The following KAT2B variants were observed in gnomAD, a reference collection of about 807,000 sequenced individuals.
The protein encoded by KAT2B is lysine acetyltransferase 2B, also known as histone acetyltransferase KAT2B.
Under a neutral mutation model 105.9 loss-of-function variants are expected in KAT2B, and 36 were observed. The observed-to-expected ratio is 0.34, with a 90% confidence interval of 0.26 to 0.45. KAT2B has a LOEUF of 0.45. Among genes scored for constraint, KAT2B ranks in the 20% least tolerant of loss-of-function variants. The pLI is 1.00. For synonymous variants in KAT2B, 397 were observed against 377.9 expected, an observed-to-expected ratio of 1.05 and a Z score of -0.59; for missense variants, 820 against 1,021.6, an observed-to-expected ratio of 0.80 and a Z score of 2.69.
At chr3:20,096,782 ATTTGAT>A (rs914900242) in intron 3 of KAT2B, among the ~76,000 whole-genome samples, 7 of 151,982 alleles carry the variant, frequency 4.6e-5, no homozygotes, top group Admixed American at 3.9e-4. Context: ...GTCTGAACTT[ATTTGAT>A]TCATAATTTT....
At chr3:20,114,258 G>A (rs186286826) in intron 6 of KAT2B, among the ~76,000 whole-genome samples, 31 of 152,248 alleles carry the variant, frequency 2.0e-4, no homozygotes, top group African/African-American at 7.5e-4. Flanking sequence ...CCATTTACTA[G>A]TTGTGGGAAT....
chr3:20,120,864 A>G (rs7652263), intron 8 of KAT2B, among the ~76,000 whole-genome samples: 1,977 of 152,182 alleles, frequency 0.013, 41 homozygotes, highest in African/African-American at 0.046. Context: ...GGACCTTATA[A>G]TATAAGAAGT....
chr3:20,077,760 CAAT>C (rs1376737204), intron 2 of KAT2B, among the ~76,000 whole-genome samples: 4 of 152,144 alleles, frequency 2.6e-5, no homozygotes, highest in Non-Finnish European at 5.9e-5. Context: ...GGGATTGGCA[CAAT>C]AATATTCAGT....
intron 1 of KAT2B, among the ~76,000 whole-genome samples, chr3:20,070,801 G>A (rs1013426493): frequency 9.3e-5 from 14 of 151,340 alleles, no homozygotes; most frequent in Admixed American, 8.6e-4. Flanking sequence ...CTGAGGTCAG[G>A]AGGTCGAGAC....
In KAT2B at chr3:20,082,292, C is replaced by T. The variant is rs146918118; in HGVS notation, c.430+9833C>T. 2.7e-3 allele frequency among the ~76,000 whole-genome samples: 406 copies of T among 152,222 alleles called. 2 individuals are homozygous for T. Among genetic ancestry groups the T allele is most frequent in the Admixed American group, 3.9e-3 (59 of 15,290 alleles). ...TCAAATGATCCGCCCTCCTCAGCCT[C>T]CCAGAGTGTTGGGATTACAGGCTTG... On this transcript the variant is annotated intron_variant, in intron 2 of 17. Coordinates refer to ENST00000263754, the MANE Select transcript of KAT2B (RefSeq NM_003884.5).
At chr3:20,074,420 T>C (rs752802245) in intron 2 of KAT2B, among the ~76,000 whole-genome samples, 6 of 152,190 alleles carry the variant, frequency 3.9e-5, no homozygotes, top group Non-Finnish European at 8.8e-5. Flanking sequence ...CTCAGTTTTT[T>C]CAACTCTGAA....
Position 20,040,557 on chromosome 3 carries a change from C to A in KAT2B, c.80C>A (p.Pro27Gln). The change falls in exon 1 of 18, where the codon CCG (proline) becomes CAG (glutamine). Residue 27 changes from proline to glutamine, a missense_variant. By Grantham distance (76) the Pro-to-Gln change is moderately conservative (BLOSUM62 -1). Around this residue, in one of 6 missense-constraint regions of KAT2B, gnomAD observed 190 missense variants for 176.7 expected, o/e 1.08. Transcript: ENST00000263754. ...GGGGCCGGGCCCGGGGCGCTGCCCC[C>A]GCAGCCTGCGGCGCTTCCGCCCGCG... ...GAGAGPGALP[P>Q]QPAALPPAPP... 9.4e-7 allele frequency: 1 copy of A among 1,063,958 alleles called. No homozygotes were observed. Among genetic ancestry groups the A allele is most frequent in the South Asian group, 4.4e-5 (1 of 22,828 alleles). The allele number at this position is 1,063,958 out of a possible 1,614,324, so 65.9% of individuals were successfully genotyped here.
At chr3:20,049,659 G>A (rs1336412768) in intron 1 of KAT2B, among the ~76,000 whole-genome samples, 4 of 152,128 alleles carry the variant, frequency 2.6e-5, no homozygotes, top group African/African-American at 9.7e-5. Context: ...CAATTGAGAG[G>A]TATGTTCAAA....
At chr3:20,124,282 A>G (rs995441648) in intron 9 of KAT2B, among the ~76,000 whole-genome samples, 4 of 152,160 alleles carry the variant, frequency 2.6e-5, no homozygotes, top group Non-Finnish European at 4.4e-5. Context: ...TTTTTAAAAA[A>G]GAGCTTTAAT....
At chr3:20,100,835 G>A (rs773710809) in intron 4 of KAT2B, among the ~76,000 whole-genome samples, 1 of 152,108 alleles carries the variant, frequency 6.6e-6, no homozygotes, top group Non-Finnish European at 1.5e-5. Context: ...TTAAATTTTA[G>A]TTGTTTAGTT....
At position 20,126,069 on chromosome 3, in the gene KAT2B, G is replaced by T. The variant is rs747861358; in HGVS notation, c.1578G>T (p.Leu526=). The change falls in exon 10 of 18, where the codon CTG becomes CTT. Residue 526 remains leucine, a synonymous_variant. Coordinates refer to ENST00000263754, the MANE Select transcript of KAT2B (RefSeq NM_003884.5). The stretch of plus-strand genomic sequence containing the variant: ...TACAGAACGTTTTCTCCCACCAGCT[G>T]CCCCGAATGCCAAAAGAATACATCA... ...VGLQNVFSHQ[L]PRMPKEYITR... is the part of the protein sequence containing the mutation. 6.2e-7 allele frequency: 1 copy of T among 1,612,882 alleles called. No individual in the cohort carries two copies. The highest frequency in any genetic ancestry group is 1.7e-5 in the Admixed American group (1 of 59,698).
intron 9 of KAT2B, among the ~76,000 whole-genome samples, chr3:20,124,097 G>A (rs1428865839): frequency 6.6e-6 from 1 of 152,072 alleles, no homozygotes; most frequent in Admixed American, 6.6e-5. Context: ...TCCTAAAATT[G>A]ATCTTTCCAT....
intron 17 of KAT2B, among the ~76,000 whole-genome samples, chr3:20,150,456 A>G (rs1013433486): frequency 7.2e-5 from 11 of 152,180 alleles, no homozygotes; most frequent in Non-Finnish European, 1.6e-4. Context: ...ACTGGACATC[A>G]GCTGTATAGT....
chr3:20,125,919 A>G lies in KAT2B; in HGVS notation c.1428A>G (p.Ser476=). ...TTGCATCTCAGACCAATTTTCTGTC[A>G]GCACACTCGGCCAGGGATGAGGCGG... is the stretch of plus-strand genomic sequence containing the variant. ...AMLGPETNFL[S]AHSARDEAAR... The change falls in exon 10 of 18, where the codon TCA becomes TCG. Residue 476 remains serine, a synonymous_variant. Coordinates refer to ENST00000263754, the MANE Select transcript of KAT2B (RefSeq NM_003884.5). The G allele has an allele frequency of 6.2e-7, 1 of 1,613,732 alleles. No individual in the cohort carries two copies. Among genetic ancestry groups the G allele is most frequent in the Non-Finnish European group, 8.5e-7 (1 of 1,179,954 alleles).
At position 20,040,465 on chromosome 3, in the gene KAT2B, G is replaced by A; in HGVS notation, c.-13G>A. 2.8e-6 allele frequency: 3 copies of A among 1,073,288 alleles called. No individual in the cohort carries two copies. The South Asian group carries it at 1.3e-4, about 47-fold the overall frequency. The allele number at this position is 1,073,288 out of a possible 1,614,324, so 66.5% of individuals were successfully genotyped here. Reference sequence around the variant, plus strand: ...CCTGACACTCGGCGCCTCCTGCCGTGCTCCGGGGCGGCATGTCCGAGGCTG... The same window carrying A: ...CCTGACACTCGGCGCCTCCTGCCGTACTCCGGGGCGGCATGTCCGAGGCTG... On this transcript the variant is annotated 5_prime_UTR_variant, in exon 1 of 18. Coordinates refer to ENST00000263754, the MANE Select transcript of KAT2B (RefSeq NM_003884.5).
intron 4 of KAT2B, among the ~76,000 whole-genome samples, chr3:20,100,178 T>C (rs1327835814): frequency 6.6e-6 from 1 of 152,202 alleles, no homozygotes; most frequent in Non-Finnish European, 1.5e-5. Flanking sequence ...CACAGTTTAC[T>C]GTGTGTTTGG....
chr3:20,045,075 C>T (rs115910250), intron 1 of KAT2B, among the ~76,000 whole-genome samples: 4,015 of 152,106 alleles, frequency 0.026, 177 homozygotes, highest in African/African-American at 0.091. Context: ...AGTACAGTGG[C>T]GTGATCTTGG....
At chr3:20,061,764 A>C (rs1011526351) in intron 1 of KAT2B, among the ~76,000 whole-genome samples, 1 of 141,304 alleles carries the variant, frequency 7.1e-6, no homozygotes, top group African/African-American at 2.6e-5. Flanking sequence ...ATTATACATA[A>C]AAATATATAA....
At chr3:20,065,600 T>A (rs925547697) in intron 1 of KAT2B, among the ~76,000 whole-genome samples, 1 of 152,174 alleles carries the variant, frequency 6.6e-6, no homozygotes, top group Non-Finnish European at 1.5e-5. Context: ...ATGTCCTTTT[T>A]AGCAAATCAA....
Sources: allele counts gnomAD v4.1 joint callset (sites outside exome capture counted in the v4.1 genomes callset), GRCh38; gene constraint gnomAD v4.1.1; regional missense constraint gnomAD v4.1.1; transcripts MANE v1.5; gene names NCBI Gene and HGNC (gene_info 2026-07-23, HGNC 2026-07-21).